Variants in SCML2 observed in about 807,000 individuals in gnomAD.
SCML2 encodes the protein Scm polycomb group protein like 2, also known as sex comb on midleg-like protein 2.
A neutral mutation model predicts 48.4 loss-of-function variants in SCML2; 6 were observed. The observed-to-expected ratio is 0.12, with a 90% CI of 0.07 to 0.24. The LOEUF (loss-of-function observed/expected upper bound fraction) is 0.24, where lower values mean the gene tolerates loss of function less well. Ranked by LOEUF, SCML2 falls within the 10% of genes least tolerant of loss-of-function variation. The probability of loss-of-function intolerance (pLI) is 1.00; values close to 1 mark genes in which losing one functional copy is unlikely to be tolerated. For missense variants in SCML2, 377 were observed against 528.2 expected, an observed-to-expected ratio of 0.71 and a Z score of 2.81; for synonymous variants, 181 against 189.5, an observed-to-expected ratio of 0.95 and a Z score of 0.37.
chrX:18,275,442 G>A (rs1569145384), intron 7 of SCML2, among the ~76,000 whole-genome samples: 1 of 112,163 alleles, frequency 8.9e-6, no homozygotes, highest in Non-Finnish European at 1.9e-5. Flanking sequence ...AGTTACCCAG[G>A]CAAACATAGG....
intron 1 of SCML2, among the ~76,000 whole-genome samples, chrX:18,347,835 C>A (rs1333811237): frequency 1.8e-5 from 2 of 108,180 alleles, no homozygotes; most frequent in African/African-American, 6.7e-5. Context: ...TCAAATCAAG[C>A]CTTCTTGAGG....
intron 1 of SCML2, chrX:18,341,388 A>C: frequency 7.8e-6 from 2 of 256,470 alleles, no homozygotes; most frequent in Non-Finnish European, 1.5e-5. Flanking sequence ...TCGAGACCCC[A>C]GTAGTAATGT....
intron 1 of SCML2, chrX:18,341,076 A>G (rs1383632307): frequency 7.5e-6 from 1 of 133,394 alleles, no homozygotes; most frequent in Non-Finnish European, 1.6e-5. Context: ...GTTCGAATTA[A>G]TAAGAGCAAA....
chrX:18,242,031 G>T (rs1403483712), intron 14 of SCML2, among the ~76,000 whole-genome samples: 2 of 111,844 alleles, frequency 1.8e-5, no homozygotes, highest in African/African-American at 3.2e-5. Flanking sequence ...TTAAAAGGAT[G>T]TACTTAATCT....
intron 1 of SCML2, 60 bp downstream of exon 1, chrX:18,354,532 C>A: frequency 8.2e-6 from 2 of 242,852 alleles, no homozygotes; most frequent in South Asian, 4.6e-4. Context: ...GGACAACGGT[C>A]GGGGTCCGGG....
intron 7 of SCML2, among the ~76,000 whole-genome samples, chrX:18,270,997 G>T (rs1405152138): frequency 9.0e-6 from 1 of 110,831 alleles, no homozygotes; most frequent in Non-Finnish European, 1.9e-5. Context: ...AAAATGTCCA[G>T]GTAAGAAAAA....
At chrX:18,265,108 C>T (rs903970347) in intron 8 of SCML2, among the ~76,000 whole-genome samples, 3 of 111,921 alleles carry the variant, frequency 2.7e-5, no homozygotes, top group African/African-American at 9.7e-5. Flanking sequence ...TGAGTACTTC[C>T]CCTGCCACCA....
intron 7 of SCML2, among the ~76,000 whole-genome samples, chrX:18,292,152 TA>T (rs1697942801): frequency 8.9e-6 from 1 of 111,898 alleles, no homozygotes; most frequent in South Asian, 3.7e-4. Flanking sequence ...ATTGTTTTTT[TA>T]ATTAGCAAAA....
At chrX:18,300,844 GA>G (rs1226780326) in intron 7 of SCML2, among the ~76,000 whole-genome samples, 1 of 108,364 alleles carries the variant, frequency 9.2e-6, no homozygotes, top group Non-Finnish European at 1.9e-5. Flanking sequence ...AGCAAAAGGA[GA>G]AAAACCATAA....
chrX:18,242,407 C>A lies in SCML2; in HGVS notation c.1974+32G>T, dbSNP rs944692413. ...GCACAGAGGTCATTCAAAGGCATTA[C>A]GGCAGGAAAACCGGATCAAAAGATA... On this transcript the variant is annotated intron_variant, in intron 14 of 14. Transcript: ENST00000251900. 4 of 1,161,851 alleles carry A rather than the reference C, an allele frequency of 3.4e-6. No homozygotes were observed. In the African/African-American group the frequency reaches 5.5e-5, roughly 16 times the overall value.
At chrX:18,303,780 A>C (rs1048438955) in intron 7 of SCML2, among the ~76,000 whole-genome samples, 1 of 111,894 alleles carries the variant, frequency 8.9e-6, no homozygotes, top group Non-Finnish European at 1.9e-5. Context: ...GAAACTGGTT[A>C]AAGATGTACC....
intron 1 of SCML2, among the ~76,000 whole-genome samples, chrX:18,338,958 G>A (rs1929928352): frequency 9.3e-6 from 1 of 107,276 alleles, no homozygotes. Flanking sequence ...ATGAGGCAGT[G>A]TAGGAACACC....
intron 7 of SCML2, among the ~76,000 whole-genome samples, chrX:18,278,548 CCA>C: frequency 8.9e-6 from 1 of 111,962 alleles, no homozygotes; most frequent in Admixed American, 9.4e-5. Flanking sequence ...CAGAGAGCAG[CCA>C]CAGACACCCA....
rs767645141 is a variant in SCML2 at position 18,257,040 on chromosome X, G to GA, written c.1274-11dup. 30 of 1,104,693 alleles carry GA rather than the reference G, an allele frequency of 2.7e-5. No homozygotes were observed. Among genetic ancestry groups the GA allele is most frequent in the Middle Eastern group, 5.1e-4 (2 of 3,922 alleles). The allele number at this position is 1,104,693 out of a possible 1,213,427, so 91.0% of individuals were successfully genotyped here. ...TCCCCATCAAAGGAGGCTATTGGGG[G>GA]AAAAAAAAGGATGTCAGTAACCTCA... is the stretch of plus-strand genomic sequence containing the variant. On this transcript the variant is annotated splice_polypyrimidine_tract_variant and intron_variant, in intron 10 of 14. Coordinates refer to ENST00000251900, the MANE Select transcript of SCML2 (RefSeq NM_006089.3).
intron 3 of SCML2, 36 bp downstream of exon 3, chrX:18,330,551 G>T: frequency 1.1e-6 from 1 of 887,951 alleles, no homozygotes; most frequent in African/African-American, 2.0e-5. Context: ...TAGTGAGGAA[G>T]AAAACTATGC....
chrX:18,269,021 A>G (rs774932227), intron 7 of SCML2, among the ~76,000 whole-genome samples: 4 of 111,558 alleles, frequency 3.6e-5, no homozygotes, highest in Non-Finnish European at 7.5e-5. Context: ...CTTTCCACTC[A>G]CTACTATGAA....
intron 7 of SCML2, among the ~76,000 whole-genome samples, chrX:18,275,408 C>T (rs1182193866): frequency 8.9e-6 from 1 of 112,549 alleles, no homozygotes; most frequent in African/African-American, 3.2e-5. Flanking sequence ...GCTCAACTAC[C>T]AGCTCTGTAA....
intron 11 of SCML2, among the ~76,000 whole-genome samples, chrX:18,249,888 G>T (rs987034501): frequency 9.0e-6 from 1 of 110,746 alleles, no homozygotes; most frequent in African/African-American, 3.3e-5. Flanking sequence ...AGATACACTG[G>T]TTCCAGGCAT....
At chrX:18,284,812 G>A (rs187750049) in intron 7 of SCML2, among the ~76,000 whole-genome samples, 4 of 112,207 alleles carry the variant, frequency 3.6e-5, no homozygotes, top group East Asian at 2.8e-4. Context: ...AGGCTGAGGC[G>A]GGTGGATCAC....
Sources: gnomAD v4.1 joint callset for allele counts (sites outside exome capture counted in the v4.1 genomes callset) on GRCh38, gnomAD v4.1.1 for gene constraint, MANE v1.5 for transcripts, NCBI Gene and HGNC (gene_info 2026-07-23, HGNC 2026-07-21) for gene names.